The following OTOF variants were observed in gnomAD, a reference collection of about 807,000 sequenced individuals.
OTOF encodes otoferlin.
A neutral mutation model predicts 236.8 loss-of-function variants in OTOF; 218 were observed. That is an observed-to-expected ratio of 0.92 (90% CI 0.82 to 1.03). The LOEUF is 1.03. Ranked by LOEUF, OTOF falls within the 50% of genes least tolerant of loss-of-function variation. The pLI is 0.00. For missense variants in OTOF, 2,590 were observed against 2,694.4 expected (o/e 0.96, Z 0.86); for synonymous variants, 1,041 against 1,072.5 (o/e 0.97, Z 0.57).
intron 3 of OTOF, among the ~76,000 whole-genome samples, chr2:26,527,248 T>C (rs146690943): frequency 6.6e-6 from 1 of 152,318 alleles, no homozygotes; most frequent in Non-Finnish European, 1.5e-5. Flanking sequence ...TGAGTGAATA[T>C]CTATCTCATT....
At chr2:26,536,695 C>G (rs1667078977) in intron 2 of OTOF, among the ~76,000 whole-genome samples, 1 of 152,162 alleles carries the variant, frequency 6.6e-6, no homozygotes, top group African/African-American at 2.4e-5. Flanking sequence ...CCCTTCCCAG[C>G]CCCCACAGAG....
intron 24 of OTOF, 42 bp downstream of exon 24, chr2:26,475,872 T>C (rs762497839): frequency 5.1e-6 from 8 of 1,567,986 alleles, no homozygotes; most frequent in South Asian, 3.5e-5. Context: ...AGGCTTCTGG[T>C]GCTCTCAAAG....
chr2:26,483,420 C>G (rs779931677), intron 13 of OTOF, 42 bp downstream of exon 13: 10 of 1,589,978 alleles, frequency 6.3e-6, no homozygotes, highest in Non-Finnish European at 8.6e-6. Context: ...CTTGTGATAC[C>G]TGTCACCCAG....
intron 1 of OTOF, among the ~76,000 whole-genome samples, chr2:26,552,236 A>C (rs1271037040): frequency 6.6e-6 from 1 of 152,168 alleles, no homozygotes; most frequent in Non-Finnish European, 1.5e-5. Flanking sequence ...CTAAAAATAC[A>C]AAAATTAGCT....
intron 1 of OTOF, among the ~76,000 whole-genome samples, chr2:26,542,951 T>C (rs963368712): frequency 2.0e-5 from 3 of 152,182 alleles, no homozygotes; most frequent in Non-Finnish European, 4.4e-5. Context: ...AGCTGAGAAA[T>C]AGAGTAAAAC....
At position 26,483,510 on chromosome 2, in the gene OTOF, G is replaced by C; in HGVS notation, c.1344C>G (p.Asn448Lys). ...ANVKKAFIGE[N>K]KDLVDPYVQV... is the part of the protein sequence containing the mutation. ...GCACGTAGGGGTCCACGAGGTCCTTGTTTTCACCGATGAAAGCCTTCTTTA... is the reference window on the plus strand; with the variant it reads ...GCACGTAGGGGTCCACGAGGTCCTTCTTTTCACCGATGAAAGCCTTCTTTA... Residue 448 changes from asparagine to lysine, a missense_variant, in exon 13 of 47, where the codon AAC becomes AAG. Transcript: ENST00000272371. 2 of 1,613,992 alleles carry C rather than the reference G, an allele frequency of 1.2e-6. No homozygotes were observed. The highest frequency in any genetic ancestry group is 1.7e-6 in the Non-Finnish European group (2 of 1,180,004).
intron 33 of OTOF, 23 bp from the exon 34 acceptor site, chr2:26,467,524 G>A (rs1290933478): frequency 6.2e-7 from 1 of 1,611,474 alleles, no homozygotes; most frequent in Non-Finnish European, 8.5e-7. Context: ...AGAAAAGGAG[G>A]TGGAGCAGAA....
At chr2:26,520,959 T>G (rs931149486) in intron 3 of OTOF, among the ~76,000 whole-genome samples, 1 of 152,132 alleles carries the variant, frequency 6.6e-6, no homozygotes, top group African/African-American at 2.4e-5. Flanking sequence ...GTGTCACTGG[T>G]GGGAGAGGAG....
intron 32 of OTOF, among the ~76,000 whole-genome samples, chr2:26,469,825 A>C (rs1664895294): frequency 6.6e-6 from 1 of 152,228 alleles, no homozygotes. Context: ...TGGGTCACAG[A>C]AAGGGCCTGG....
intron 5 of OTOF, among the ~76,000 whole-genome samples, 175 bp from the exon 6 acceptor site, chr2:26,504,020 G>A (rs1467046923): frequency 6.6e-6 from 1 of 152,178 alleles, no homozygotes; most frequent in Non-Finnish European, 1.5e-5. Flanking sequence ...GGAGCCAGGA[G>A]GGGGAATCAG....
rs966755295 is a variant in OTOF at position 26,490,063 on chromosome 2, G to T, written c.898-323C>A. On this transcript the variant is annotated intron_variant, in intron 9 of 46. Coordinates refer to ENST00000272371, the MANE Select transcript of OTOF (RefSeq NM_194248.3). ...CAGGGCCAGGGAGCAAGCAGACCTGGGTTCTAGTCCCCGCTCTGCACCTTC... is the reference window on the plus strand; with the variant it reads ...CAGGGCCAGGGAGCAAGCAGACCTGTGTTCTAGTCCCCGCTCTGCACCTTC... Among the ~76,000 whole-genome samples the T allele has an allele frequency of 4.6e-5, 7 of 152,178 alleles. No homozygotes were observed. The South Asian group carries it at 6.2e-4, about 14-fold the overall frequency.
At position 26,477,985 on chromosome 2, in the gene OTOF, C is replaced by T; in HGVS notation, c.2215-236G>A. 2 of 1,459,034 alleles carry T rather than the reference C, an allele frequency of 1.4e-6. No homozygotes were observed. The highest frequency in any genetic ancestry group is 1.8e-6 in the Non-Finnish European group (2 of 1,107,720). 90.4% of individuals were successfully genotyped at this position (1,459,034 alleles called of 1,614,324 possible). On this transcript the variant is annotated intron_variant, in intron 18 of 46. Transcript: ENST00000272371. The surrounding 1 kb of genome is among the most constrained non-coding windows in gnomAD (Gnocchi z 4.7). ...TTCAGTTCCTGAAGGAAGAAGCCAC[C>T]TCTGGGCTGTGAGTCTGTGGCTCTG...
rs1664271970 is a variant in OTOF, at chr2:26,458,085, G to A, written c.*153C>T. ...TGACCATGTAGCCAGGGAGGCTGTA[G>A]AGGAAGAGCCCCAACATGAGCAGCC... On this transcript the variant is annotated 3_prime_UTR_variant, in exon 47 of 47. Coordinates refer to ENST00000272371, the MANE Select transcript of OTOF (RefSeq NM_194248.3). 6.2e-7 allele frequency: 1 copy of A among 1,614,200 alleles called. No homozygotes were observed. The highest frequency in any genetic ancestry group is 8.5e-7 in the Non-Finnish European group (1 of 1,180,022).
intron 46 of OTOF, among the ~76,000 whole-genome samples, chr2:26,459,376 C>A (rs957991708): frequency 6.6e-6 from 1 of 152,046 alleles, no homozygotes; most frequent in African/African-American, 2.4e-5. Context: ...CACAGTGAAA[C>A]CCCGTCTCTA....
At chr2:26,554,165 C>CAAAAAAAAAAAA (rs34196608) in intron 1 of OTOF, among the ~76,000 whole-genome samples, 1 of 79,594 alleles carries the variant, frequency 1.3e-5, no homozygotes, top group African/African-American at 5.2e-5. Flanking sequence ...GAGCGAGACT[C>CAAAAAAAAAAAA]AAAAAAAAAA....
intron 5 of OTOF, among the ~76,000 whole-genome samples, chr2:26,515,094 C>T (rs1666489068): frequency 6.6e-6 from 1 of 152,248 alleles, no homozygotes; most frequent in Non-Finnish European, 1.5e-5. Context: ...CCACCTGTTC[C>T]TCTGTGATCC....
At position 26,473,505 on chromosome 2, in the gene OTOF, C is replaced by A. The variant is rs61742191; in HGVS notation, c.3471G>T (p.Arg1157=). Residue 1157 remains arginine (R), a synonymous_variant, in exon 28 of 47, where the codon CGG becomes CGT. Coordinates refer to ENST00000272371, the MANE Select transcript of OTOF (RefSeq NM_194248.3). The surrounding 1 kb of genome is among the most constrained non-coding windows in gnomAD (Gnocchi z 7.2). ...RVNLAQVDRP[R]VDIECAGKGV... is the part of the protein sequence containing the mutation. The stretch of plus-strand genomic sequence containing the variant: ...CCTTCCCTGCACACTCGATGTCCAC[C>A]CGTGGCCGGTCCACCTGGGCCAGGT... 7.9e-4 allele frequency: 1,272 copies of A among 1,612,874 alleles called. 6 individuals are homozygous for A. The African/African-American group carries it at 0.013, about 17-fold the overall frequency.
intron 1 of OTOF, among the ~76,000 whole-genome samples, chr2:26,557,649 C>T (rs778096088): frequency 1.3e-5 from 2 of 152,036 alleles, no homozygotes; most frequent in Non-Finnish European, 2.9e-5. Flanking sequence ...TCAGTCCTTA[C>T]CTCCTCTCCT....
Position 26,466,020 on chromosome 2 carries a change from G to C in OTOF, c.4557C>G (p.Ile1519Met). 1 of 1,614,252 alleles carries C rather than the reference G, an allele frequency of 6.2e-7. No homozygotes were observed. Among genetic ancestry groups the C allele is most frequent in the Non-Finnish European group, 8.5e-7 (1 of 1,180,044 alleles). The change falls in exon 37 of 47, where the codon ATC becomes ATG. Residue 1519 changes from isoleucine to methionine, a missense_variant. Around this residue, in one of 2 missense-constraint regions of OTOF, gnomAD observed 1,211 missense variants for 1,352.8 expected, o/e 0.90. Coordinates refer to ENST00000272371, the MANE Select transcript of OTOF (RefSeq NM_194248.3). ...CGCGGATGTCAGTCTTGCCTAGCCG[G>C]ATGGCGATGTAGGGGTCAGCTTTGC... ...INGKADPYIA[I>M]RLGKTDIRDK...
Sources: allele counts gnomAD v4.1 joint callset (sites outside exome capture counted in the v4.1 genomes callset), GRCh38; gene constraint gnomAD v4.1.1; regional missense constraint gnomAD v4.1.1; non-coding constraint Gnocchi (gnomAD v3.1); transcripts MANE v1.5; gene names NCBI Gene and HGNC (gene_info 2026-07-23, HGNC 2026-07-21).